The following DHX9 variants were observed in gnomAD, a reference collection of about 807,000 sequenced individuals.
The protein encoded by DHX9 is DExH-box helicase 9, also known as ATP-dependent RNA helicase A.
In DHX9, 27 loss-of-function variants were observed where a neutral mutation model predicts 148.7. The observed-to-expected ratio is 0.18, with a 90% CI of 0.13 to 0.25. The LOEUF (loss-of-function observed/expected upper bound fraction) is 0.25, where lower values mean the gene tolerates loss of function less well. Among genes scored for constraint, DHX9 ranks in the 10% least tolerant of loss-of-function variants. The pLI, the probability that DHX9 is intolerant of heterozygous loss-of-function variation, is 1.00. For missense variants in DHX9, 796 were observed against 1,559.6 expected, an observed-to-expected ratio of 0.51 and a Z score of 8.25; for synonymous variants, 529 against 516.6, an observed-to-expected ratio of 1.02 and a Z score of -0.33.
In DHX9 at chr1:182,876,889, C is replaced by G; in HGVS notation, c.2184C>G (p.Val728=). ...TSITINDVVY[V]IDSCKQKVKL... is the part of the protein sequence containing the mutation. ...TTACCATAAACGATGTTGTTTATGT[C>G]ATTGACTCCTGCAAGTAAGTTACTG... The change falls in exon 19 of 28, where the codon GTC becomes GTG. Residue 728 remains valine (V), a synonymous_variant. Transcript: ENST00000367549. The G allele has an allele frequency of 6.2e-7, 1 of 1,611,518 alleles. No homozygotes were observed. Among genetic ancestry groups the G allele is most frequent in the African/African-American group, 1.3e-5 (1 of 74,942 alleles).
At chr1:182,853,222 GC>G in intron 4 of DHX9, 83 bp from the exon 5 acceptor site, 1 of 974,420 alleles carries the variant, frequency 1.0e-6, no homozygotes, top group South Asian at 1.5e-5. Context: ...TCCATGCCCG[GC>G]CATAAATTAG....
At chr1:182,871,107 G>A (rs1229815166) in intron 14 of DHX9, among the ~76,000 whole-genome samples, 1 of 152,014 alleles carries the variant, frequency 6.6e-6, no homozygotes, top group Non-Finnish European at 1.5e-5. Flanking sequence ...TAATCAAAAG[G>A]TTATTTCCTT....
intron 18 of DHX9, 72 bp from the exon 19 acceptor site, chr1:182,876,758 A>G (rs1212643540): frequency 3.4e-6 from 4 of 1,191,558 alleles, no homozygotes; most frequent in Non-Finnish European, 4.9e-6. Flanking sequence ...TTTGTTACAT[A>G]CATAAGCAAA....
At chr1:182,880,709 A>C in intron 22 of DHX9, 101 bp downstream of exon 22, 1 of 717,646 alleles carries the variant, frequency 1.4e-6, no homozygotes, top group Non-Finnish European at 2.3e-6. Flanking sequence ...CAAAAAAAAA[A>C]TCCTAAATGT....
At chr1:182,849,266 T>G (rs186970450) in intron 3 of DHX9, among the ~76,000 whole-genome samples, 194 of 152,306 alleles carry the variant, frequency 1.3e-3, no homozygotes, top group Middle Eastern at 6.8e-3. Context: ...ATAGTGAAAC[T>G]CCATGTTTCC....
Position 182,860,056 on chromosome 1 carries a change from A to G in DHX9, c.1204A>G (p.Ser402Gly), listed in dbSNP as rs1264277709. The change falls in exon 12 of 28, where the codon AGC becomes GGC. Residue 402 changes from serine to glycine, a missense_variant. Physicochemically the swap from Ser to Gly is moderately conservative, Grantham distance 56 (BLOSUM62 0). Around this residue, in one of 14 missense-constraint regions of DHX9, gnomAD observed 58 missense variants for 122.8 expected, o/e 0.47. Coordinates refer to ENST00000367549, the MANE Select transcript of DHX9 (RefSeq NM_001357.5). Reference sequence around the variant, plus strand: ...TGAAAGTGAGATTCTGGAAGCAATCAGCCAAAATTCAGTTGTCATTATTAG... The same window carrying G: ...TGAAAGTGAGATTCTGGAAGCAATCGGCCAAAATTCAGTTGTCATTATTAG... ...KFESEILEAI[S>G]QNSVVIIRGA... is the part of the protein sequence containing the mutation. The G allele has an allele frequency of 6.2e-7, 1 of 1,613,966 alleles. No individual in the cohort carries two copies. The highest frequency in any genetic ancestry group is 1.7e-5 in the Admixed American group (1 of 59,972).
chr1:182,840,507 C>T (rs2102583963), intron 1 of DHX9, among the ~76,000 whole-genome samples: 1 of 152,134 alleles, frequency 6.6e-6, no homozygotes, highest in Middle Eastern at 3.4e-3. Context: ...ATCATGTTGG[C>T]CAGGATGGTC....
chr1:182,866,602 G>A lies in DHX9; in HGVS notation c.1474+17G>A. The A allele has an allele frequency of 6.2e-7, 1 of 1,602,678 alleles. No homozygotes were observed. Among genetic ancestry groups the A allele is most frequent in the Non-Finnish European group, 8.5e-7 (1 of 1,172,652 alleles). On this transcript the variant is annotated intron_variant, in intron 13 of 27. Transcript: ENST00000367549. Reference sequence around the variant, plus strand: ...GTACTGTAGGTCAGTAATGTATTTTGATTTTTCATTTGGGGTTTATATTGT... The same window carrying A: ...GTACTGTAGGTCAGTAATGTATTTTAATTTTTCATTTGGGGTTTATATTGT...
chr1:182,872,956 A>G (rs1183738672), intron 15 of DHX9, among the ~76,000 whole-genome samples: 2 of 152,024 alleles, frequency 1.3e-5, no homozygotes, highest in East Asian at 3.9e-4. Context: ...GTTCTTTAGT[A>G]TCTTTTTGTT....
chr1:182,886,201 AT>A (rs931293171), intron 27 of DHX9, among the ~76,000 whole-genome samples: 2 of 150,884 alleles, frequency 1.3e-5, no homozygotes, highest in African/African-American at 4.9e-5. Context: ...TTATTTATTT[AT>A]TTATTTATTT....
chr1:182,878,244 AT>A, intron 20 of DHX9, 71 bp downstream of exon 20: 1 of 1,521,356 alleles, frequency 6.6e-7, no homozygotes, highest in Non-Finnish European at 8.9e-7. Context: ...GTGTGCAGTT[AT>A]GTAAACCTGC....
At position 182,872,334 on chromosome 1, in the gene DHX9, T is replaced by C. The variant is rs757671395; in HGVS notation, c.1558-3T>C. The C allele has an allele frequency of 6.3e-7, 1 of 1,599,284 alleles. No homozygotes were observed. Among genetic ancestry groups the C allele is most frequent in the South Asian group, 1.1e-5 (1 of 87,904 alleles). On this transcript the variant is annotated splice_region_variant and splice_polypyrimidine_tract_variant and intron_variant, in intron 14 of 27. Transcript: ENST00000367549. ...CAAAAATTTTGTGTTTGTTTTTTAA[T>C]AGACTGACTTCCTTTTGGTAGTACT...
intron 24 of DHX9, among the ~76,000 whole-genome samples, chr1:182,882,478 C>CT (rs767254873): frequency 6.6e-6 from 1 of 152,198 alleles, no homozygotes; most frequent in African/African-American, 2.4e-5. Context: ...TTCTCTACAA[C>CT]TAACAGCTAT....
Position 182,843,274 on chromosome 1 carries a change from A to C in DHX9, c.112-20A>C. ...GAATTACCCAGGTCAGTCTCTTAGT[A>C]CTTTTTTTTTTTTTTAAAGGTTCAG... On this transcript the variant is annotated intron_variant, in intron 2 of 27. Coordinates refer to ENST00000367549, the MANE Select transcript of DHX9 (RefSeq NM_001357.5). 2 of 1,457,012 alleles carry C rather than the reference A, an allele frequency of 1.4e-6. No homozygotes were observed. Among genetic ancestry groups the C allele is most frequent in the Non-Finnish European group, 1.8e-6 (2 of 1,084,044 alleles). 90.3% of individuals were successfully genotyped at this position (1,457,012 alleles called of 1,614,324 possible). A position where few individuals can be genotyped will look rare whatever the true frequency, so the allele number is the denominator to read the frequency against.
intron 12 of DHX9, among the ~76,000 whole-genome samples, chr1:182,864,090 A>G (rs1648168352): frequency 6.6e-6 from 1 of 152,036 alleles, no homozygotes; most frequent in African/African-American, 2.4e-5. Flanking sequence ...CTTGAACCTG[A>G]GAGGAATTTC....
chr1:182,862,018 T>C (rs1668371578), intron 12 of DHX9, among the ~76,000 whole-genome samples: 1 of 152,234 alleles, frequency 6.6e-6, no homozygotes, highest in South Asian at 2.1e-4. Flanking sequence ...CTGAGCATGC[T>C]GATTGGTTAT....
In DHX9 at chr1:182,854,083, C is replaced by A. The variant is rs998306491; in HGVS notation, c.531C>A (p.Thr177=). Residue 177 remains threonine, a synonymous_variant, in exon 6 of 28, where the codon ACC becomes ACA. Transcript: ENST00000367549. ...DLNAGLHGNW[T]LENAKARLNQ... is the part of the protein sequence containing the mutation. The stretch of plus-strand genomic sequence containing the variant: ...ATGCTGGGCTTCATGGAAACTGGAC[C>A]TTGGAAAATGCTAAAGCTCGTCTAA... 3 of 1,613,282 alleles carry A rather than the reference C, an allele frequency of 1.9e-6. No individual in the cohort carries two copies. The highest frequency in any genetic ancestry group is 3.3e-5 in the Admixed American group (2 of 60,016).
chr1:182,884,588 T>C (rs762143790), intron 26 of DHX9, 25 bp from the exon 27 acceptor site: 7 of 1,607,188 alleles, frequency 4.4e-6, no homozygotes, highest in East Asian at 4.5e-5. Flanking sequence ...CCCTCTCTTA[T>C]TTTTAATGTA....
chr1:182,846,615 C>T (rs191465432), intron 3 of DHX9, among the ~76,000 whole-genome samples: 260 of 152,356 alleles, frequency 1.7e-3, no homozygotes, highest in Middle Eastern at 3.4e-3. Context: ...TCAAATCACT[C>T]TCTCCCATAT....
Sources: gnomAD v4.1 joint callset for allele counts (sites outside exome capture counted in the v4.1 genomes callset) on GRCh38, gnomAD v4.1.1 for gene constraint, gnomAD v4.1.1 regional missense constraint, MANE v1.5 for transcripts, NCBI Gene and HGNC (gene_info 2026-07-23, HGNC 2026-07-21) for gene names.